The following SLC31A1 variants were observed in gnomAD, a reference collection of about 807,000 sequenced individuals.
SLC31A1 encodes the protein high affinity copper uptake protein 1.
Under a neutral mutation model 17.2 loss-of-function variants are expected in SLC31A1, and 5 were observed. The observed-to-expected ratio is 0.29, with a 90% CI of 0.15 to 0.61. The LOEUF is 0.61. SLC31A1 is among the 20% of genes least tolerant of loss of function. The pLI is 0.86. For synonymous variants in SLC31A1, 76 were observed against 78.8 expected (o/e 0.96, Z 0.19); for missense variants, 161 against 241.4 (o/e 0.67, Z 2.21).
chr9:113,238,033 G>A (rs1831482116), intron 1 of SLC31A1, among the ~76,000 whole-genome samples: 1 of 152,114 alleles, frequency 6.6e-6, no homozygotes, highest in African/African-American at 2.4e-5. Flanking sequence ...TACATATATG[G>A]TCTTTTCTCC....
intron 1 of SLC31A1, among the ~76,000 whole-genome samples, chr9:113,231,468 G>A (rs1285188601): frequency 1.3e-5 from 2 of 152,014 alleles, no homozygotes; most frequent in Non-Finnish European, 2.9e-5. Flanking sequence ...GGAGGCTGAG[G>A]TGGGAGGATC....
At chr9:113,224,679 T>C (rs1005010642) in intron 1 of SLC31A1, among the ~76,000 whole-genome samples, 3 of 152,192 alleles carry the variant, frequency 2.0e-5, no homozygotes, top group Non-Finnish European at 4.4e-5. Flanking sequence ...CCACCCGCCT[T>C]GGCCTCCCAA....
At chr9:113,237,280 G>T (rs535962495) in intron 1 of SLC31A1, among the ~76,000 whole-genome samples, 1 of 152,168 alleles carries the variant, frequency 6.6e-6, no homozygotes, top group South Asian at 2.1e-4. Context: ...TGCTCTGGAG[G>T]GGGGTAACGA....
intron 1 of SLC31A1, 113 bp downstream of exon 1, chr9:113,221,791 G>A (rs1292894067): frequency 5.3e-6 from 1 of 188,146 alleles, no homozygotes; most frequent in Non-Finnish European, 1.2e-5. Context: ...AGGAGAAAGA[G>A]CTCGGGACTG....
At chr9:113,235,644 AGAG>A (rs1166981160) in intron 1 of SLC31A1, among the ~76,000 whole-genome samples, 1 of 152,170 alleles carries the variant, frequency 6.6e-6, no homozygotes, top group East Asian at 1.9e-4. Flanking sequence ...ATCCCCCCGG[AGAG>A]GAGGAGGAAG....
At chr9:113,242,388 G>A (rs1831531640) in intron 1 of SLC31A1, among the ~76,000 whole-genome samples, 1 of 152,148 alleles carries the variant, frequency 6.6e-6, no homozygotes, top group Non-Finnish European at 1.5e-5. Context: ...GGCAGAAGAG[G>A]TAGGTTGGGT....
At chr9:113,241,107 C>T (rs1831517168) in intron 1 of SLC31A1, among the ~76,000 whole-genome samples, 1 of 149,342 alleles carries the variant, frequency 6.7e-6, no homozygotes, top group South Asian at 2.1e-4. Context: ...TTCAGTGGAA[C>T]ATATGAATGT....
intron 1 of SLC31A1, among the ~76,000 whole-genome samples, chr9:113,253,552 ATT>A (rs71491085): frequency 0.041 from 5,275 of 128,596 alleles, 81 homozygotes; most frequent in Middle Eastern, 0.092. Context: ...GAGCTCTGTA[ATT>A]TTTTTTTTTT....
chr9:113,237,885 A>G (rs1253141438), intron 1 of SLC31A1, among the ~76,000 whole-genome samples: 1 of 152,210 alleles, frequency 6.6e-6, no homozygotes, highest in African/African-American at 2.4e-5. Context: ...AGCCACCTAA[A>G]GGGTATATTA....
intron 1 of SLC31A1, among the ~76,000 whole-genome samples, chr9:113,226,898 C>G (rs536612428): frequency 6.6e-6 from 1 of 152,282 alleles, no homozygotes; most frequent in Non-Finnish European, 1.5e-5. Context: ...TGGTGTAACT[C>G]ATACACCCGC....
intron 1 of SLC31A1, among the ~76,000 whole-genome samples, chr9:113,254,246 G>A (rs1445599019): frequency 1.3e-5 from 2 of 152,040 alleles, no homozygotes; most frequent in Non-Finnish European, 1.5e-5. Flanking sequence ...GAGCCACCGC[G>A]CCTGGCCAAT....
chr9:113,247,564 A>G (rs145069793), intron 1 of SLC31A1, among the ~76,000 whole-genome samples: 1 of 152,170 alleles, frequency 6.6e-6, no homozygotes, highest in Non-Finnish European at 1.5e-5. Flanking sequence ...CCATAAATTC[A>G]TATGTATTTT....
At chr9:113,224,554 G>A (rs149878964) in intron 1 of SLC31A1, among the ~76,000 whole-genome samples, 1 of 151,576 alleles carries the variant, frequency 6.6e-6, no homozygotes, top group South Asian at 2.1e-4. Flanking sequence ...TCACCCTCCC[G>A]AGTAGCTGGG....
chr9:113,224,153 C>T (rs1392638615), intron 1 of SLC31A1, among the ~76,000 whole-genome samples: 1 of 152,168 alleles, frequency 6.6e-6, no homozygotes, highest in Admixed American at 6.5e-5. Context: ...TCTATGACTC[C>T]TCTTACCCTC....
chr9:113,256,810 G>A (rs897714786), intron 2 of SLC31A1, among the ~76,000 whole-genome samples: 2 of 150,110 alleles, frequency 1.3e-5, no homozygotes, highest in African/African-American at 2.5e-5. Context: ...GTAGTGAGCC[G>A]AGATCTCGCC....
chr9:113,263,750 T>C lies in SLC31A1; in HGVS notation c.*3277T>C, dbSNP rs778563781. ...TGGTACCCTTCCCAGAGTTACAGAA[T>C]CTTAGGTGCCGTCTCTAGTCTGTGA... On this transcript the variant is annotated 3_prime_UTR_variant, in exon 5 of 5. Transcript: ENST00000374212. 6.6e-6 allele frequency: 1 copy of C among 152,532 alleles called. No individual in the cohort carries two copies. The highest frequency in any genetic ancestry group is 1.5e-5 in the Non-Finnish European group (1 of 68,038). 9.4% of individuals were successfully genotyped at this position (152,532 alleles called of 1,614,324 possible). A position where few individuals can be genotyped will look rare whatever the true frequency, so the allele number is the denominator to read the frequency against.
intron 1 of SLC31A1, 145 bp downstream of exon 1, chr9:113,221,823 C>G (rs1480515519): frequency 6.1e-6 from 1 of 162,922 alleles, no homozygotes; most frequent in African/African-American, 2.4e-5. Context: ...ACTGGGGCTT[C>G]GGCCCGGCCC....
chr9:113,236,561 A>C (rs1019790460), intron 1 of SLC31A1, among the ~76,000 whole-genome samples: 2 of 150,084 alleles, frequency 1.3e-5, no homozygotes, highest in East Asian at 4.0e-4. Flanking sequence ...ACAGGGTTTC[A>C]CCGTGTTAGC....
chr9:113,256,948 G>C (rs561681408), intron 2 of SLC31A1, among the ~76,000 whole-genome samples, 165 bp from the exon 3 acceptor site: 1 of 152,032 alleles, frequency 6.6e-6, no homozygotes, highest in East Asian at 1.9e-4. Flanking sequence ...CTCATGCTCG[G>C]TGCCTGTGGT....
Sources: gnomAD v4.1 joint callset for allele counts (sites outside exome capture counted in the v4.1 genomes callset) on GRCh38, gnomAD v4.1.1 for gene constraint, MANE v1.5 for transcripts, NCBI Gene and HGNC (gene_info 2026-07-23, HGNC 2026-07-21) for gene names.